The following ASTN2 variants were observed in gnomAD, a reference collection of about 807,000 sequenced individuals.
The protein encoded by ASTN2 is astrotactin-2.
In ASTN2, 54 loss-of-function variants were observed where a neutral mutation model predicts 139.8. That is an observed-to-expected ratio of 0.39 (90% CI 0.31 to 0.48). The LOEUF is 0.48. Among genes scored for constraint, ASTN2 ranks in the 20% least tolerant of loss-of-function variants. ASTN2 has a pLI of 0.95. For missense variants in ASTN2, 1,565 were observed against 1,725.1 expected, an observed-to-expected ratio of 0.91 and a Z score of 1.64; for synonymous variants, 756 against 719.5, an observed-to-expected ratio of 1.05 and a Z score of -0.81.
chr9:116,738,841 T>C (rs1462272390), intron 13 of ASTN2, among the ~76,000 whole-genome samples: 1 of 152,200 alleles, frequency 6.6e-6, no homozygotes, highest in Non-Finnish European at 1.5e-5. Context: ...AGTGAATCGA[T>C]CCCAAGCCTG....
At chr9:116,558,666 C>A (rs4837620) in intron 19 of ASTN2, among the ~76,000 whole-genome samples, 24,125 of 152,054 alleles carry the variant, frequency 0.16, 2,083 homozygotes, top group African/African-American at 0.21. Context: ...TGTCAAGCCA[C>A]GGGTTCTGAC....
chr9:117,128,102 G>T (rs1305080397), intron 4 of ASTN2, among the ~76,000 whole-genome samples: 2 of 152,202 alleles, frequency 1.3e-5, no homozygotes, highest in African/African-American at 4.8e-5. Flanking sequence ...GTTCCTGGGT[G>T]GGGGCTACAA....
At chr9:117,336,096 A>G (rs1423909699) in intron 1 of ASTN2, among the ~76,000 whole-genome samples, 1 of 151,874 alleles carries the variant, frequency 6.6e-6, no homozygotes, top group Non-Finnish European at 1.5e-5. Flanking sequence ...GGCATACACA[A>G]AAATTTTCCC....
intron 10 of ASTN2, among the ~76,000 whole-genome samples, chr9:116,938,592 GC>G (rs929538049): frequency 6.6e-6 from 1 of 152,052 alleles, no homozygotes; most frequent in Non-Finnish European, 1.5e-5. Flanking sequence ...TTGATTTCAG[GC>G]CTTTATCCAA....
chr9:116,549,499 C>T (rs557655365), intron 19 of ASTN2, among the ~76,000 whole-genome samples: 8 of 152,306 alleles, frequency 5.3e-5, no homozygotes, highest in African/African-American at 1.9e-4. Context: ...CTGGAGCCTG[C>T]GTGGGGACGG....
At chr9:116,632,196 GAAAGAAAGAAA>G (rs1333929273) in intron 17 of ASTN2, among the ~76,000 whole-genome samples, 3 of 21,772 alleles carry the variant, frequency 1.4e-4, no homozygotes, top group Non-Finnish European at 1.7e-4. Flanking sequence ...GAGAGAGAGA[GAAAGAAAGAAA>G]AGAAAGAAAG....
At chr9:116,815,924 C>G (rs571684655) in intron 12 of ASTN2, among the ~76,000 whole-genome samples, 1 of 142,792 alleles carries the variant, frequency 7.0e-6, no homozygotes, top group South Asian at 2.3e-4. Flanking sequence ...CTCCTGAAAA[C>G]AAAACAAAAC....
intron 2 of ASTN2, among the ~76,000 whole-genome samples, chr9:117,256,446 A>G (rs1833689009): frequency 1.3e-5 from 2 of 152,168 alleles, no homozygotes; most frequent in Non-Finnish European, 2.9e-5. Context: ...GAACGTTATC[A>G]TTGGTTAGGC....
chr9:117,355,902 C>T (rs548563110), intron 1 of ASTN2, among the ~76,000 whole-genome samples: 2 of 152,234 alleles, frequency 1.3e-5, no homozygotes, highest in East Asian at 3.9e-4. Context: ...CAAGCACTTG[C>T]TAATGAAAAA....
intron 17 of ASTN2, among the ~76,000 whole-genome samples, chr9:116,625,978 T>C (rs898271739): frequency 6.6e-6 from 1 of 151,898 alleles, no homozygotes; most frequent in Non-Finnish European, 1.5e-5. Context: ...AGGTCATAAA[T>C]TTGTGTTTTT....
At chr9:117,149,848 T>C (rs1830288027) in intron 3 of ASTN2, among the ~76,000 whole-genome samples, 1 of 152,156 alleles carries the variant, frequency 6.6e-6, no homozygotes, top group Non-Finnish European at 1.5e-5. Flanking sequence ...GGGTAAAAAT[T>C]GATGGATTGA....
At chr9:116,606,576 T>C (rs1268693492) in intron 19 of ASTN2, among the ~76,000 whole-genome samples, 1 of 152,232 alleles carries the variant, frequency 6.6e-6, no homozygotes, top group Non-Finnish European at 1.5e-5. Flanking sequence ...AAAGCCTATG[T>C]TTCCCTATTC....
rs562826078 is a variant in ASTN2 at position 117,071,855 on chromosome 9, A to C, written c.1276+24189T>G. ...GCGCTTCCCAGGTGAGGCAATGCCT[A>C]GCCCTGCTTCGGCTCGCGCACCGTG... On this transcript the variant is annotated intron_variant, in intron 5 of 22. Transcript: ENST00000313400. 2.9e-3 allele frequency among the ~76,000 whole-genome samples: 444 copies of C among 151,476 alleles called. 1 individual carries two copies. The highest frequency in any genetic ancestry group is 0.01 in the East Asian group (52 of 5,120).
In ASTN2 at chr9:116,805,655, G is replaced by A. The variant is rs1831010163; in HGVS notation, c.2373C>T (p.Gly791=). Residue 791 remains glycine, a synonymous_variant, in exon 13 of 23, where the codon GGC becomes GGT. Transcript: ENST00000313400. The stretch of plus-strand genomic sequence containing the variant: ...ACCTAAAGGTCATCTGGAAGACTTG[G>A]CCTTGGTTCACATGCTGGGTCCGGT... ...YNNRTQHVNQ[G]QVFQMTFREN... The A allele has an allele frequency of 3.7e-6, 6 of 1,613,880 alleles. No individual in the cohort carries two copies. Among genetic ancestry groups the A allele is most frequent in the Non-Finnish European group, 5.1e-6 (6 of 1,179,798 alleles).
At chr9:116,731,878 C>T (rs148730997) in intron 14 of ASTN2, among the ~76,000 whole-genome samples, 83 of 151,004 alleles carry the variant, frequency 5.5e-4, no homozygotes, top group African/African-American at 2.1e-3. Context: ...TAGTAAACTC[C>T]CCATCACTGG....
chr9:117,037,774 C>G (rs1159320622), intron 6 of ASTN2, among the ~76,000 whole-genome samples: 2 of 151,952 alleles, frequency 1.3e-5, no homozygotes, highest in African/African-American at 2.4e-5. Flanking sequence ...TGTTTTTTTC[C>G]ACCTCAGTGT....
At chr9:116,775,203 T>C (rs1472284903) in intron 13 of ASTN2, among the ~76,000 whole-genome samples, 1 of 151,320 alleles carries the variant, frequency 6.6e-6, no homozygotes, top group Admixed American at 6.6e-5. Context: ...TTCCACTGAG[T>C]CCCTCAGCAG....
rs148094472 is a variant in ASTN2 at position 117,218,926 on chromosome 9, T to G, written c.631-4184A>C. On this transcript the variant is annotated intron_variant, in intron 2 of 22. Coordinates refer to ENST00000313400, the MANE Select transcript of ASTN2 (RefSeq NM_001365068.1). ...TTATCAAGGGAAGTGAGATGTGAAC[T>G]AATGGACACGGGATACTTTGCTTAG... Among the ~76,000 whole-genome samples, 593 of 152,322 alleles carry G rather than the reference T, an allele frequency of 3.9e-3. 3 individuals are homozygous for G. Among genetic ancestry groups the G allele is most frequent in the African/African-American group, 0.011 (466 of 41,568 alleles).
At chr9:116,754,424 C>A (rs1414385399) in intron 13 of ASTN2, among the ~76,000 whole-genome samples, 1 of 152,208 alleles carries the variant, frequency 6.6e-6, no homozygotes, top group Non-Finnish European at 1.5e-5. Context: ...TACACTCACA[C>A]CAACAGTGTA....
Sources: gnomAD v4.1 joint callset for allele counts (sites outside exome capture counted in the v4.1 genomes callset) on GRCh38, gnomAD v4.1.1 for gene constraint, MANE v1.5 for transcripts, NCBI Gene and HGNC (gene_info 2026-07-23, HGNC 2026-07-21) for gene names.